MADCAM1: variants seen among roughly 807,000 people sequenced by gnomAD.
MADCAM1 encodes the protein mucosal vascular addressin cell adhesion molecule 1, also known as mucosal addressin cell adhesion molecule 1.
Under a neutral mutation model 26.1 loss-of-function variants are expected in MADCAM1, and 19 were observed. The observed-to-expected ratio is 0.73, with a 90% CI of 0.51 to 1.07. The LOEUF is 1.07. Among genes scored for constraint, MADCAM1 ranks in the 50% least tolerant of loss-of-function variants. MADCAM1 has a pLI of 0.00. For missense variants in MADCAM1, 514 were observed against 542.1 expected (o/e 0.95, Z 0.51); for synonymous variants, 268 against 260.9 (o/e 1.03, Z -0.26).
Position 498,076 on chromosome 19 carries a change from G to C in MADCAM1, c.296G>C (p.Gly99Ala). 1 of 1,453,340 alleles carries C rather than the reference G, an allele frequency of 6.9e-7. No homozygotes were observed. Among genetic ancestry groups the C allele is most frequent in the Non-Finnish European group, 9.0e-7 (1 of 1,108,892 alleles). 90.0% of individuals were successfully genotyped at this position (1,453,340 alleles called of 1,614,324 possible). A position where few individuals can be genotyped will look rare whatever the true frequency, so the allele number is the denominator to read the frequency against. The change falls in exon 2 of 5, where the codon GGG becomes GCG. Residue 99 changes from glycine to alanine, a missense_variant. By Grantham distance (60) the Gly-to-Ala change is moderately conservative. Coordinates refer to ENST00000215637, the MANE Select transcript of MADCAM1 (RefSeq NM_130760.3). ...ACCCGCGTGTGCGTGGGCTCCTGCG[G>C]GGGCCGCACCTTCCAGCACACCGTG... The part of the protein sequence containing the change: ...AGTRVCVGSC[G>A]GRTFQHTVQL...
At chr19:504,244 T>C (rs1156433394) in intron 4 of MADCAM1, among the ~76,000 whole-genome samples, 1 of 145,122 alleles carries the variant, frequency 6.9e-6, no homozygotes, top group African/African-American at 2.5e-5. Context: ...CCGTCCTCTC[T>C]CCGGTCTGCC....
At chr19:503,368 T>A (rs1250139607) in intron 4 of MADCAM1, among the ~76,000 whole-genome samples, 3 of 146,608 alleles carry the variant, frequency 2.0e-5, no homozygotes, top group Non-Finnish European at 4.5e-5. Context: ...GATCACGAGG[T>A]CAGGAGATCG....
chr19:497,808 T>C, intron 1 of MADCAM1, 25 bp from the exon 2 acceptor site: 1 of 1,266,120 alleles, frequency 7.9e-7, no homozygotes, highest in East Asian at 3.2e-5. Context: ...TCCGCGGGGC[T>C]GAGCGAGAGC....
Position 498,546 on chromosome 19 carries a change from C to A in MADCAM1, c.388C>A (p.Pro130Thr). Reference sequence around the variant, plus strand: ...CCCAGCAGCCCTGGTGCCTGGTGACCCGGAGGTGGCCTGTACGGCCCACAA... The same window carrying A: ...CCCAGCAGCCCTGGTGCCTGGTGACACGGAGGTGGCCTGTACGGCCCACAA... ...VSPAALVPGDPEVACTAHKVT... is the reference protein window; with the variant it reads ...VSPAALVPGDTEVACTAHKVT... The change falls in exon 3 of 5, where the codon CCG becomes ACG. Residue 130 changes from proline to threonine, a missense_variant. Transcript: ENST00000215637. 1.4e-6 allele frequency: 2 copies of A among 1,471,108 alleles called. No homozygotes were observed. The highest frequency in any genetic ancestry group is 1.5e-5 in the South Asian group (1 of 67,872). 91.1% of individuals were successfully genotyped at this position (1,471,108 alleles called of 1,614,324 possible).
At chr19:500,547 T>C (rs533540197) in intron 3 of MADCAM1, among the ~76,000 whole-genome samples, 2 of 151,748 alleles carry the variant, frequency 1.3e-5, no homozygotes, top group African/African-American at 2.4e-5. Context: ...CTGGCCAACA[T>C]AGTGAAACCC....
Position 498,597 on chromosome 19 carries a change from C to T in MADCAM1, c.439C>T (p.Leu147Phe), listed in dbSNP as rs1568316621. Residue 147 changes from leucine (L) to phenylalanine (F), a missense_variant, in exon 3 of 5, where the codon CTC becomes TTC. This residue lies in a region of MADCAM1 where 317 missense variants were observed against 313.6 expected (regional missense o/e 1.01). Coordinates refer to ENST00000215637, the MANE Select transcript of MADCAM1 (RefSeq NM_130760.3). ...AGTCACGCCCGTGGACCCCAACGCG[C>T]TCTCCTTCTCCCTGCTCGTCGGGGG... is the stretch of plus-strand genomic sequence containing the variant. ...HKVTPVDPNA[L>F]SFSLLVGGQE... 79 of 1,482,790 alleles carry T rather than the reference C, an allele frequency of 5.3e-5. No homozygotes were observed. The highest frequency in any genetic ancestry group is 6.9e-5 in the Non-Finnish European group (77 of 1,120,982). The allele number at this position is 1,482,790 out of a possible 1,614,324, so 91.9% of individuals were successfully genotyped here. A position where few individuals can be genotyped will look rare whatever the true frequency, so the allele number is the denominator to read the frequency against.
chr19:499,272 G>A (rs1262788862), intron 3 of MADCAM1: 2 of 461,780 alleles, frequency 4.3e-6, no homozygotes, highest in African/African-American at 2.0e-5. Context: ...CCCTTCTTCC[G>A]GATCTTTCCA....
At chr19:497,808 T>A in intron 1 of MADCAM1, 25 bp from the exon 2 acceptor site, 1 of 1,266,120 alleles carries the variant, frequency 7.9e-7, no homozygotes, top group Non-Finnish European at 9.9e-7. Flanking sequence ...TCCGCGGGGC[T>A]GAGCGAGAGC....
At chr19:502,340 C>G (rs371763127) in intron 4 of MADCAM1, among the ~76,000 whole-genome samples, 3 of 151,774 alleles carry the variant, frequency 2.0e-5, no homozygotes, top group Admixed American at 6.6e-5. Flanking sequence ...CTCGCTCTGT[C>G]CCCCAGGCTG....
chr19:496,586 A>T, intron 1 of MADCAM1, 35 bp downstream of exon 1: 1 of 922,278 alleles, frequency 1.1e-6, no homozygotes, highest in Non-Finnish European at 1.3e-6. Flanking sequence ...GAGAGGAGTG[A>T]GTTAGGAGGG....
intron 3 of MADCAM1, among the ~76,000 whole-genome samples, chr19:499,568 G>A (rs548707758): frequency 1.3e-5 from 2 of 152,220 alleles, no homozygotes; most frequent in African/African-American, 4.8e-5. Context: ...ACGCACACGC[G>A]TGTGAGCCCC....
chr19:503,493 A>G (rs1321178395), intron 4 of MADCAM1, among the ~76,000 whole-genome samples: 1 of 148,760 alleles, frequency 6.7e-6, no homozygotes, highest in Admixed American at 6.8e-5. Flanking sequence ...AGGCAGGAGA[A>G]TGGCGTGAAC....
Position 497,936 on chromosome 19 carries a change from G to A in MADCAM1, c.156G>A (p.Ala52=). The change falls in exon 2 of 5, where the codon GCG becomes GCA. Residue 52 remains alanine (A), a synonymous_variant. Transcript: ENST00000215637. ...AGCTCACCTGCCGCCTGGCCTGCGC[G>A]GACCGCGGGGCCTCGGTGCAGTGGC... ...SRQLTCRLAC[A]DRGASVQWRG... 3 of 1,423,226 alleles carry A rather than the reference G, an allele frequency of 2.1e-6. No homozygotes were observed. The highest frequency in any genetic ancestry group is 2.7e-6 in the Non-Finnish European group (3 of 1,095,050). The allele number at this position is 1,423,226 out of a possible 1,614,324, so 88.2% of individuals were successfully genotyped here. A position where few individuals can be genotyped will look rare whatever the true frequency, so the allele number is the denominator to read the frequency against.
intron 4 of MADCAM1, among the ~76,000 whole-genome samples, chr19:503,342 G>C (rs1410340866): frequency 6.6e-6 from 1 of 151,346 alleles, no homozygotes; most frequent in Non-Finnish European, 1.5e-5. Context: ...TGCACTTTGG[G>C]AGGCCAAGGC....
Position 498,742 on chromosome 19 carries a change from G to C in MADCAM1, c.584G>C (p.Gly195Ala), listed in dbSNP as rs1386128272. Residue 195 changes from glycine (G) to alanine (A), a missense_variant, in exon 3 of 5, where the codon GGG (glycine) becomes GCG (alanine). By Grantham distance (60) the Gly-to-Ala change is moderately conservative. Around this residue, in one of 3 missense-constraint regions of MADCAM1, gnomAD observed 317 missense variants for 313.6 expected, o/e 1.01. Transcript: ENST00000215637. ...GAGCGCTGGCGGCTGCCGCCCCTGG[G>C]GACCCCTGTCCCGCCCGCCCTCTAC... Reference protein sequence around the residue: ...VTERWRLPPLGTPVPPALYCQ... With the variant: ...VTERWRLPPLATPVPPALYCQ... 1 of 1,466,670 alleles carries C rather than the reference G, an allele frequency of 6.8e-7. No homozygotes were observed. Among genetic ancestry groups the C allele is most frequent in the Non-Finnish European group, 9.0e-7 (1 of 1,116,132 alleles). The allele number at this position is 1,466,670 out of a possible 1,614,324, so 90.9% of individuals were successfully genotyped here. A position where few individuals can be genotyped will look rare whatever the true frequency, so the allele number is the denominator to read the frequency against.
At chr19:503,322 C>T (rs1285809154) in intron 4 of MADCAM1, among the ~76,000 whole-genome samples, 2 of 149,814 alleles carry the variant, frequency 1.3e-5, no homozygotes, top group Non-Finnish European at 3.0e-5. Flanking sequence ...TGGCTTATGC[C>T]TGTAATCCCT....
chr19:496,614 G>A (rs551114705), intron 1 of MADCAM1, 63 bp downstream of exon 1: 1 of 1,084,822 alleles, frequency 9.2e-7, no homozygotes, highest in Non-Finnish European at 1.2e-6. Context: ...GAGAGAGGAG[G>A]GGGCTCAGGA....
At position 505,159 on chromosome 19, in the gene MADCAM1, A is replaced by G; in HGVS notation, c.*194A>G. ...AGGCCACTGTTTGTCTCACCTACCCATGACCTGAAGCCCCTCCCTGAGTGG... is the reference window on the plus strand; with the variant it reads ...AGGCCACTGTTTGTCTCACCTACCCGTGACCTGAAGCCCCTCCCTGAGTGG... On this transcript the variant is annotated 3_prime_UTR_variant, in exon 5 of 5. Transcript: ENST00000215637. 1.9e-6 allele frequency: 1 copy of G among 519,084 alleles called. No individual in the cohort carries two copies. The highest frequency in any genetic ancestry group is 3.4e-6 in the Non-Finnish European group (1 of 293,544). 32.2% of individuals were successfully genotyped at this position (519,084 alleles called of 1,614,324 possible).
chr19:498,239 C>A (rs571404345), intron 2 of MADCAM1, 122 bp downstream of exon 2: 5 of 1,065,876 alleles, frequency 4.7e-6, no homozygotes, highest in East Asian at 3.2e-5. Flanking sequence ...CACAGCTCCC[C>A]GAAGCCAGGT....
Sources: gnomAD v4.1 joint callset for allele counts (sites outside exome capture counted in the v4.1 genomes callset) on GRCh38, gnomAD v4.1.1 for gene constraint, gnomAD v4.1.1 regional missense constraint, MANE v1.5 for transcripts, NCBI Gene and HGNC (gene_info 2026-07-23, HGNC 2026-07-21) for gene names.